Variants in ENTPD1 observed in about 807,000 individuals in gnomAD.
ENTPD1 encodes ectonucleoside triphosphate diphosphohydrolase 1, also known as ATP diphosphohydrolase.
Under a neutral mutation model 57.0 loss-of-function variants are expected in ENTPD1, and 33 were observed. The ratio of observed to expected loss-of-function variants is 0.58; its 90% CI spans 0.44 to 0.77. ENTPD1 has a LOEUF of 0.77. Ranked by LOEUF, ENTPD1 falls within the 30% of genes least tolerant of loss-of-function variation. ENTPD1 has a pLI of 0.00. For missense variants in ENTPD1, 501 were observed against 603.4 expected, an observed-to-expected ratio of 0.83 and a Z score of 1.78; for synonymous variants, 202 against 218.8, an observed-to-expected ratio of 0.92 and a Z score of 0.68.
chr10:95,716,911 A>C (rs924908170), intron 1 of ENTPD1, among the ~76,000 whole-genome samples: 6 of 152,212 alleles, frequency 3.9e-5, no homozygotes, highest in Non-Finnish European at 8.8e-5. Context: ...TCATATAGTC[A>C]ACTAGCTGGT....
At chr10:95,809,949 G>GGGT (rs2098296034) in intron 1 of ENTPD1, among the ~76,000 whole-genome samples, 2 of 141,456 alleles carry the variant, frequency 1.4e-5, no homozygotes, top group East Asian at 2.2e-4. Context: ...TTCTCAGACG[G>GGGT]GGCGGCCGGG....
At chr10:95,820,183 A>G (rs1433478041) in intron 1 of ENTPD1, among the ~76,000 whole-genome samples, 1 of 152,242 alleles carries the variant, frequency 6.6e-6, no homozygotes, top group Non-Finnish European at 1.5e-5. Flanking sequence ...ACTGGCTGAC[A>G]TATAGTCCAT....
intron 2 of ENTPD1, among the ~76,000 whole-genome samples, chr10:95,826,400 C>A (rs990234076): frequency 6.6e-6 from 1 of 151,826 alleles, no homozygotes; most frequent in Non-Finnish European, 1.5e-5. Flanking sequence ...TGGTGAAACC[C>A]AATCTCTACT....
intron 7 of ENTPD1, among the ~76,000 whole-genome samples, chr10:95,859,200 AT>A (rs1254074145): frequency 6.6e-6 from 1 of 152,240 alleles, no homozygotes; most frequent in Non-Finnish European, 1.5e-5. Context: ...GTTTATGTCA[AT>A]TGGAACTGAG....
chr10:95,843,139 C>G (rs1433548583), intron 4 of ENTPD1: 2 of 152,174 alleles, frequency 1.3e-5, no homozygotes, highest in Non-Finnish European at 2.9e-5. Context: ...GTTGGAGGAT[C>G]GGGGAACAGC....
At chr10:95,760,697 C>T (rs1341564054) in intron 1 of ENTPD1, among the ~76,000 whole-genome samples, 4 of 151,736 alleles carry the variant, frequency 2.6e-5, no homozygotes, top group African/African-American at 9.7e-5. Context: ...CTCTTTATAA[C>T]TGGTAATGGT....
intron 1 of ENTPD1, among the ~76,000 whole-genome samples, chr10:95,716,208 T>G (rs1157858412): frequency 6.6e-6 from 1 of 152,256 alleles, no homozygotes; most frequent in Non-Finnish European, 1.5e-5. Flanking sequence ...CAGTGGTTAC[T>G]CTAGGGATTT....
intron 1 of ENTPD1, among the ~76,000 whole-genome samples, chr10:95,757,866 G>A (rs2098034893): frequency 6.6e-6 from 1 of 151,806 alleles, no homozygotes; most frequent in Admixed American, 6.6e-5. Context: ...TTAGCTGGGT[G>A]TGGTGGTGTG....
At chr10:95,738,830 A>G (rs1242592908) in intron 1 of ENTPD1, among the ~76,000 whole-genome samples, 3 of 152,206 alleles carry the variant, frequency 2.0e-5, no homozygotes, top group African/African-American at 7.2e-5. Context: ...GGGATGTTGA[A>G]GGATTTAGAT....
the ENTPD1 span, among the ~76,000 whole-genome samples, chr10:95,696,495 G>T: frequency 2.6e-5 from 4 of 152,122 alleles, no homozygotes; most frequent in Admixed American, 2.6e-4. Context: ...GGCTAAGCTG[G>T]TCTCAAACTC....
chr10:95,818,494 A>G (rs914902389), intron 1 of ENTPD1, among the ~76,000 whole-genome samples: 1 of 152,154 alleles, frequency 6.6e-6, no homozygotes, highest in African/African-American at 2.4e-5. Context: ...TAGCCACATG[A>G]AGGAGGGATT....
In ENTPD1 at chr10:95,845,364, G is replaced by C; in HGVS notation, c.581G>C (p.Arg194Thr). ...AACTGTACTGTCTTTCAGAAAACAA[G>C]GTGGTTCAGCATAGTCCCATATGAA... ...YLLGKFSQKT[R>T]WFSIVPYETN... Residue 194 changes from arginine (R) to threonine (T), a missense_variant, in exon 6 of 10, where the codon AGG becomes ACG. Arg to Thr is a moderately conservative substitution (Grantham distance 71). Coordinates refer to ENST00000371205, the MANE Select transcript of ENTPD1 (RefSeq NM_001776.6). 2.5e-6 allele frequency: 4 copies of C among 1,614,188 alleles called. No homozygotes were observed. Among genetic ancestry groups the C allele is most frequent in the Non-Finnish European group, 3.4e-6 (4 of 1,180,028 alleles).
chr10:95,755,609 C>G, upstream of ENTPD1: 1 of 1,323,810 alleles, frequency 7.6e-7, no homozygotes, highest in South Asian at 1.3e-5. Context: ...GCCTTCCAAC[C>G]AATAACGCAG....
chr10:95,826,856 G>C (rs1436130228), intron 2 of ENTPD1, among the ~76,000 whole-genome samples: 1 of 152,152 alleles, frequency 6.6e-6, no homozygotes, highest in Non-Finnish European at 1.5e-5. Flanking sequence ...GAGGATACCA[G>C]GAAGAGGCTA....
At chr10:95,852,474 CT>C (rs1238720021) in intron 7 of ENTPD1, among the ~76,000 whole-genome samples, 1 of 152,152 alleles carries the variant, frequency 6.6e-6, no homozygotes, top group Non-Finnish European at 1.5e-5. Context: ...GTTGCCATTG[CT>C]TTTGGTGTAT....
In ENTPD1 at chr10:95,854,373, CA is replaced by C. The variant is rs1189138651; in HGVS notation, c.1075-6090del. ...AGTCTATCAATTTTGTTGATCTTTT[CA>C]AAAAACCAGCTCCTGGATTCACTGA... On this transcript the variant is annotated intron_variant, in intron 7 of 9. Transcript: ENST00000371205. Among the ~76,000 whole-genome samples the C allele has an allele frequency of 1.3e-3, 199 of 152,180 alleles. 2 individuals carry two copies. The highest frequency in any genetic ancestry group is 1.2e-3 in the Admixed American group (18 of 15,286).
intron 1 of ENTPD1, among the ~76,000 whole-genome samples, chr10:95,803,421 C>T (rs907952189): frequency 6.6e-6 from 1 of 152,176 alleles, no homozygotes; most frequent in Non-Finnish European, 1.5e-5. Context: ...GAGGTGATAT[C>T]TCATTGTGGT....
intron 1 of ENTPD1, among the ~76,000 whole-genome samples, chr10:95,819,924 A>G (rs1407631046): frequency 6.6e-6 from 1 of 152,250 alleles, no homozygotes; most frequent in African/African-American, 2.4e-5. Flanking sequence ...GTTATCCACA[A>G]GGCAAATTAA....
intron 1 of ENTPD1, among the ~76,000 whole-genome samples, chr10:95,717,337 G>GTTTT (rs10609572): frequency 1.6e-5 from 2 of 125,954 alleles, no homozygotes; most frequent in African/African-American, 2.9e-5. Flanking sequence ...GATCTGCAGG[G>GTTTT]TTTTTTTTTT....
Sources: allele counts gnomAD v4.1 joint callset (sites outside exome capture counted in the v4.1 genomes callset), GRCh38; gene constraint gnomAD v4.1.1; transcripts MANE v1.5; gene names NCBI Gene and HGNC (gene_info 2026-07-23, HGNC 2026-07-21).